KLC3: variants seen among roughly 807,000 people sequenced by gnomAD.
The protein encoded by KLC3 is kinesin light chain 3.
In KLC3, 72 loss-of-function variants were observed where a neutral mutation model predicts 62.9. The ratio of observed to expected loss-of-function variants is 1.15; its 90% CI spans 0.95 to 1.39. The LOEUF is 1.39. Among genes scored for constraint, KLC3 ranks in the 40% most tolerant of loss-of-function variants. The pLI is 0.00. For synonymous variants in KLC3, 377 were observed against 300.5 expected (o/e 1.25, Z -2.63); for missense variants, 848 against 691.6 (o/e 1.23, Z -2.54).
In KLC3 at chr19:45,350,733, G is replaced by A. The variant is rs149624142; in HGVS notation, c.1365G>A (p.Ala455=). 5.8e-5 allele frequency: 94 copies of A among 1,611,964 alleles called. 1 individual carries two copies. The East Asian group carries it at 1.5e-3, about 26-fold the overall frequency. ...KLVSRLRGEA[A]AGAAGMKRAM... is the part of the protein sequence containing the mutation. ...TCTCCCGGCTCCGAGGCGAGGCGGC[G>A]GCAGGAGCAGCCGGGTGAGTGTTGA... Residue 455 remains alanine (A), a synonymous_variant, in exon 11 of 13, where the codon GCG becomes GCA. Transcript: ENST00000391946.
At chr19:45,351,073 T>A in intron 12 of KLC3, 56 bp downstream of exon 12, 1 of 1,613,502 alleles carries the variant, frequency 6.2e-7, no homozygotes, top group South Asian at 1.1e-5. Context: ...GGTGCAGAGA[T>A]GAGGCAAAGG....
In KLC3 at chr19:45,348,893, G is replaced by T; in HGVS notation, c.941G>T (p.Cys314Phe). 2 of 1,587,048 alleles carry T rather than the reference G, an allele frequency of 1.3e-6. No homozygotes were observed. Among genetic ancestry groups the T allele is most frequent in the South Asian group, 1.2e-5 (1 of 86,796 alleles). ...RGRYREAEPL[C>F]QRALEIREKV... Reference sequence around the variant, plus strand: ...CGTTACCGGGAGGCAGAGCCCCTGTGCCAGCGCGCTTTGGAGATCCGAGAG... The same window carrying T: ...CGTTACCGGGAGGCAGAGCCCCTGTTCCAGCGCGCTTTGGAGATCCGAGAG... The change falls in exon 7 of 13, where the codon TGC (cysteine) becomes TTC (phenylalanine). Residue 314 changes from cysteine to phenylalanine, a missense_variant. Cys to Phe is a radical substitution (Grantham distance 205). Transcript: ENST00000391946.
chr19:45,349,348 T>C, intron 7 of KLC3, 81 bp from the exon 8 acceptor site: 1 of 1,424,486 alleles, frequency 7.0e-7, no homozygotes, highest in Non-Finnish European at 9.5e-7. Flanking sequence ...AATCCCCAAC[T>C]CATGACCACC....
rs1275243696 is a variant in KLC3, at chr19:45,350,808, CCCCCA to C, written c.1379+66_1379+70del. ...TCAGCAGAATCCACAGCCCACCCCACCCCCACCCCCATCTTGCTCAAGAACCTTCC... is the reference window on the plus strand; with the variant it reads ...TCAGCAGAATCCACAGCCCACCCCACCCCCCATCTTGCTCAAGAACCTTCC... On this transcript the variant is annotated intron_variant, in intron 11 of 12. Transcript: ENST00000391946. The C allele has an allele frequency of 2.1e-3, 2,739 of 1,329,288 alleles. 8 individuals are homozygous for C. Among genetic ancestry groups the C allele is most frequent in the Middle Eastern group, 9.3e-3 (49 of 5,294 alleles). 82.3% of individuals were successfully genotyped at this position (1,329,288 alleles called of 1,614,324 possible). A position where few individuals can be genotyped will look rare whatever the true frequency, so the allele number is the denominator to read the frequency against.
chr19:45,344,091 CAA>C (rs1447043695), intron 1 of KLC3, among the ~76,000 whole-genome samples: 1 of 151,520 alleles, frequency 6.6e-6, no homozygotes, highest in Non-Finnish European at 1.5e-5. Flanking sequence ...GCCAAAATCC[CAA>C]AGTGCTCGGA....
intron 1 of KLC3, among the ~76,000 whole-genome samples, chr19:45,344,121 C>T (rs1018360790): frequency 1.2e-4 from 18 of 151,406 alleles, no homozygotes; most frequent in Middle Eastern, 3.4e-3. Flanking sequence ...TGTGAGCCAC[C>T]GCACCCGGCC....
intron 1 of KLC3, among the ~76,000 whole-genome samples, chr19:45,344,473 C>T (rs1971449785): frequency 6.6e-6 from 1 of 151,152 alleles, no homozygotes; most frequent in Admixed American, 6.6e-5. Context: ...CCCACCTTGG[C>T]CTCCCAAAGT....
Position 45,349,617 on chromosome 19 carries a change from G to A in KLC3, c.1143+15G>A. ...AGAACAACCTGGTGAGGCCCCTGGGGCTCAGAGTGGGCCAAGAGTGGAGGG... is the reference window on the plus strand; with the variant it reads ...AGAACAACCTGGTGAGGCCCCTGGGACTCAGAGTGGGCCAAGAGTGGAGGG... On this transcript the variant is annotated intron_variant, in intron 8 of 12. Coordinates refer to ENST00000391946, the MANE Select transcript of KLC3 (RefSeq NM_177417.3). 1 of 1,599,020 alleles carries A rather than the reference G, an allele frequency of 6.3e-7. No individual in the cohort carries two copies. The highest frequency in any genetic ancestry group is 8.5e-7 in the Non-Finnish European group (1 of 1,170,252).
chr19:45,341,308 G>A (rs1475213917), intron 1 of KLC3, among the ~76,000 whole-genome samples: 1 of 152,170 alleles, frequency 6.6e-6, no homozygotes, highest in Admixed American at 6.5e-5. Flanking sequence ...TGTGTATGAT[G>A]TGACACTTTT....
rs908290000 is a variant in KLC3, at chr19:45,340,798, G to C, written c.-57G>C. On this transcript the variant is annotated 5_prime_UTR_variant, in exon 1 of 13. Coordinates refer to ENST00000391946, the MANE Select transcript of KLC3 (RefSeq NM_177417.3). ...GCGGGGCGTGCCTGGCCTGCGGGAC[G>C]CGACTGATCGCAGTGGGGCGAAGCG... 3 of 152,104 alleles carry C rather than the reference G, an allele frequency of 2.0e-5. No homozygotes were observed. The highest frequency in any genetic ancestry group is 7.2e-5 in the African/African-American group (3 of 41,440). The allele number at this position is 152,104 out of a possible 1,614,324, so 9.4% of individuals were successfully genotyped here.
chr19:45,346,815 A>ATAGAGCCCCACAGTCCCCCAGACCCTCCT lies in KLC3; in HGVS notation c.489+46_489+74dup. The ATAGAGCCCCACAGTCCCCCAGACCCTCCT allele has an allele frequency of 2.9e-6, 4 of 1,387,660 alleles. No individual in the cohort carries two copies. In the South Asian group the frequency reaches 5.1e-5, roughly 18 times the overall value. 86.0% of individuals were successfully genotyped at this position (1,387,660 alleles called of 1,614,324 possible). On this transcript the variant is annotated intron_variant, in intron 3 of 12. Transcript: ENST00000391946. Reference sequence around the variant, plus strand: ...CGAGGCGGGGGGTGCTGGGCCCTTCATAGAGCCCCACAGTCCCCCAGACCC... The same window carrying ATAGAGCCCCACAGTCCCCCAGACCCTCCT: ...CGAGGCGGGGGGTGCTGGGCCCTTCATAGAGCCCCACAGTCCCCCAGACCCTCCTTAGAGCCCCACAGTCCCCCAGACCC...
Position 45,347,366 on chromosome 19 carries a change from A to G in KLC3, c.490-81A>G, listed in dbSNP as rs891616753. 85 of 1,088,854 alleles carry G rather than the reference A, an allele frequency of 7.8e-5. No individual in the cohort carries two copies. In the African/African-American group the frequency reaches 1.1e-3, roughly 14 times the overall value. 67.4% of individuals were successfully genotyped at this position (1,088,854 alleles called of 1,614,324 possible). ...AAAAAAAAAAAAAAAACAAAAAAAC[A>G]AAAACCTGAGATAGAGCCAGGGCCC... On this transcript the variant is annotated intron_variant, in intron 3 of 12. Transcript: ENST00000391946.
rs1264466350 is a variant in KLC3 at position 45,349,412 on chromosome 19, T to C, written c.970-17T>C. The C allele has an allele frequency of 1.9e-6, 3 of 1,591,122 alleles. No homozygotes were observed. The highest frequency in any genetic ancestry group is 1.7e-6 in the Non-Finnish European group (2 of 1,166,536). On this transcript the variant is annotated splice_polypyrimidine_tract_variant and intron_variant, in intron 7 of 12. Coordinates refer to ENST00000391946, the MANE Select transcript of KLC3 (RefSeq NM_177417.3). The stretch of plus-strand genomic sequence containing the variant: ...AATCCTGTATGATCCCTCTGACTTG[T>C]GACCCCTGGCCCCCAGGTCCTGGGT...
chr19:45,343,601 C>T (rs1472812330), intron 1 of KLC3, among the ~76,000 whole-genome samples: 4 of 152,132 alleles, frequency 2.6e-5, no homozygotes, highest in African/African-American at 4.8e-5. Context: ...TCCCAAAGTG[C>T]TGGGATTACA....
chr19:45,349,413 G>A lies in KLC3; in HGVS notation c.970-16G>A, dbSNP rs1332598029. 1.3e-6 allele frequency: 2 copies of A among 1,591,218 alleles called. No homozygotes were observed. Among genetic ancestry groups the A allele is most frequent in the African/African-American group, 2.7e-5 (2 of 74,388 alleles). The stretch of plus-strand genomic sequence containing the variant: ...ATCCTGTATGATCCCTCTGACTTGT[G>A]ACCCCTGGCCCCCAGGTCCTGGGTG... On this transcript the variant is annotated splice_polypyrimidine_tract_variant and intron_variant, in intron 7 of 12. Transcript: ENST00000391946.
chr19:45,347,893 A>C (rs1171376792), intron 4 of KLC3, 48 bp from the exon 5 acceptor site: 1 of 1,463,792 alleles, frequency 6.8e-7, no homozygotes, highest in Non-Finnish European at 9.4e-7. Context: ...GCGAGGCTGG[A>C]GGGGCAGGAG....
intron 8 of KLC3, 180 bp downstream of exon 8, chr19:45,349,782 G>A (rs892859754): frequency 1.7e-5 from 10 of 600,452 alleles, no homozygotes; most frequent in South Asian, 7.1e-5. Flanking sequence ...CAGGAAACGC[G>A]TAAGTCCACG....
intron 1 of KLC3, chr19:45,345,251 T>G: frequency 3.6e-6 from 2 of 559,568 alleles, no homozygotes; most frequent in Non-Finnish European, 6.3e-6. Flanking sequence ...TTCTCTTGGT[T>G]AATTACACAT....
At chr19:45,343,229 G>A (rs1312037895) in intron 1 of KLC3, among the ~76,000 whole-genome samples, 1 of 152,194 alleles carries the variant, frequency 6.6e-6, no homozygotes, top group African/African-American at 2.4e-5. Context: ...GGGACAGCGA[G>A]TGTCACGGTC....
Sources: allele counts gnomAD v4.1 joint callset (sites outside exome capture counted in the v4.1 genomes callset), GRCh38; gene constraint gnomAD v4.1.1; transcripts MANE v1.5; gene names NCBI Gene and HGNC (gene_info 2026-07-23, HGNC 2026-07-21).